The following HOOK3 variants were observed in gnomAD, a reference collection of about 807,000 sequenced individuals.
HOOK3 encodes protein Hook homolog 3.
HOOK3 carries 24 observed loss-of-function variants against 116.3 expected under a neutral mutation model. The ratio of observed to expected loss-of-function variants is 0.21; its 90% confidence interval spans 0.15 to 0.29. The LOEUF is 0.29. Among genes scored for constraint, HOOK3 ranks in the 10% least tolerant of loss-of-function variants. The probability of loss-of-function intolerance (pLI) is 1.00; values close to 1 mark genes in which losing one functional copy is unlikely to be tolerated. For synonymous variants in HOOK3, 275 were observed against 283.0 expected (o/e 0.97, Z 0.28); for missense variants, 632 against 830.2 (o/e 0.76, Z 2.93).
intron 4 of HOOK3, among the ~76,000 whole-genome samples, chr8:42,939,412 C>T (rs1314698988): frequency 6.7e-6 from 1 of 149,166 alleles, no homozygotes; most frequent in African/African-American, 2.5e-5. Flanking sequence ...CCCCTACCTC[C>T]CTCCCGGATG....
chr8:43,010,454 C>A, intron 19 of HOOK3, 49 bp downstream of exon 19: 3 of 604,240 alleles, frequency 5.0e-6, no homozygotes, highest in South Asian at 2.8e-5. Context: ...GATCACATTT[C>A]AGTGAAGTCT....
intron 17 of HOOK3, among the ~76,000 whole-genome samples, chr8:43,002,878 T>C (rs1292391847): frequency 6.6e-6 from 1 of 152,194 alleles, no homozygotes; most frequent in East Asian, 1.9e-4. Flanking sequence ...TTAAAGTCTA[T>C]AAAAGCTTGT....
chr8:42,926,961 A>G (rs1312610329), intron 3 of HOOK3, among the ~76,000 whole-genome samples: 1 of 152,152 alleles, frequency 6.6e-6, no homozygotes, highest in Non-Finnish European at 1.5e-5. Context: ...TTTTGTTAAC[A>G]TTAAATTGAT....
At chr8:43,002,555 G>A (rs1286498850) in intron 17 of HOOK3, among the ~76,000 whole-genome samples, 1 of 152,220 alleles carries the variant, frequency 6.6e-6, no homozygotes, top group Non-Finnish European at 1.5e-5. Context: ...TTGTGACCAT[G>A]TTGTAGTAAA....
At chr8:42,998,637 C>G (rs143849151) in intron 16 of HOOK3, among the ~76,000 whole-genome samples, 9 of 151,858 alleles carry the variant, frequency 5.9e-5, no homozygotes, top group African/African-American at 2.2e-4. Context: ...TCATCCATGG[C>G]CTAGCTTAAT....
rs61733908 is a variant in HOOK3, at chr8:43,029,243, A to C, written c.*10745A>C. On this transcript the variant is annotated 3_prime_UTR_variant, in exon 22 of 22. Transcript: ENST00000307602. Reference sequence around the variant, plus strand: ...CGCCTCACTGCAACCTCCGCCTCCCAGGTTCAAGCTATTCTCCTGCCTCAG... The same window carrying C: ...CGCCTCACTGCAACCTCCGCCTCCCCGGTTCAAGCTATTCTCCTGCCTCAG... The C allele has an allele frequency of 6.0e-6, 1 of 166,702 alleles. No homozygotes were observed. Among genetic ancestry groups the C allele is most frequent in the African/African-American group, 2.4e-5 (1 of 41,940 alleles). 10.3% of individuals were successfully genotyped at this position (166,702 alleles called of 1,614,324 possible).
intron 14 of HOOK3, 35 bp from the exon 15 acceptor site, chr8:42,986,620 G>A (rs1292802923): frequency 1.3e-6 from 2 of 1,554,806 alleles, no homozygotes; most frequent in South Asian, 2.3e-5. Context: ...AAATGACTGT[G>A]TATATAATAT....
chr8:42,954,766 A>G (rs1808404402), intron 6 of HOOK3, among the ~76,000 whole-genome samples: 3 of 152,182 alleles, frequency 2.0e-5, no homozygotes, highest in Admixed American at 6.5e-5. Flanking sequence ...CTCATAGGAG[A>G]TGCTGGAAGA....
chr8:43,020,922 G>A lies in HOOK3; in HGVS notation c.*2424G>A, dbSNP rs1323821121. 1.1e-5 allele frequency: 2 copies of A among 178,804 alleles called. No homozygotes were observed. The highest frequency in any genetic ancestry group is 1.9e-4 in the East Asian group (2 of 10,690). 11.1% of individuals were successfully genotyped at this position (178,804 alleles called of 1,614,324 possible). A position where few individuals can be genotyped will look rare whatever the true frequency, so the allele number is the denominator to read the frequency against. ...TCCAGACCAGCCTGTCCAACATGGT[G>A]AAACTCCGTCTCTACTAAAAATACA... On this transcript the variant is annotated 3_prime_UTR_variant, in exon 22 of 22. Transcript: ENST00000307602.
At chr8:42,939,972 G>A (rs1351819456) in intron 4 of HOOK3, among the ~76,000 whole-genome samples, 11 of 151,286 alleles carry the variant, frequency 7.3e-5, no homozygotes, top group East Asian at 2.0e-4. Flanking sequence ...GATGGCGGCC[G>A]GGCAGAGACA....
intron 9 of HOOK3, among the ~76,000 whole-genome samples, chr8:42,966,093 T>C (rs1223407688): frequency 6.6e-6 from 1 of 152,130 alleles, no homozygotes; most frequent in Non-Finnish European, 1.5e-5. Context: ...TTTTAGAAAA[T>C]AGTTATTTTT....
chr8:42,965,323 A>G (rs1437261092), intron 9 of HOOK3, among the ~76,000 whole-genome samples: 2 of 148,156 alleles, frequency 1.3e-5, no homozygotes, highest in Non-Finnish European at 3.0e-5. Flanking sequence ...ATAGAAATCT[A>G]TATACGTGTG....
rs1343897828 is a variant in HOOK3 at position 43,019,317 on chromosome 8, A to G, written c.*819A>G. 1.4e-5 allele frequency: 3 copies of G among 215,236 alleles called. No homozygotes were observed. The East Asian group carries it at 2.1e-4, about 15-fold the overall frequency. 13.3% of individuals were successfully genotyped at this position (215,236 alleles called of 1,614,324 possible). A position where few individuals can be genotyped will look rare whatever the true frequency, so the allele number is the denominator to read the frequency against. On this transcript the variant is annotated 3_prime_UTR_variant, in exon 22 of 22. Coordinates refer to ENST00000307602, the MANE Select transcript of HOOK3 (RefSeq NM_032410.4). ...AGTAACTGAGGATCATTTTCTAACA[A>G]TGTGGTTGACATACCTTCAGTTGCT... is the stretch of plus-strand genomic sequence containing the variant.
At chr8:42,907,675 G>A (rs1807337352) in intron 2 of HOOK3, among the ~76,000 whole-genome samples, 1 of 152,020 alleles carries the variant, frequency 6.6e-6, no homozygotes, top group Non-Finnish European at 1.5e-5. Context: ...AAGCTAGTTT[G>A]AGTAGGATCT....
At chr8:42,920,124 T>C (rs1186626692) in intron 2 of HOOK3, among the ~76,000 whole-genome samples, 2 of 152,172 alleles carry the variant, frequency 1.3e-5, no homozygotes, top group African/African-American at 4.8e-5. Flanking sequence ...GTATATTTTC[T>C]CTTAGCAGGA....
chr8:43,030,157 A>C lies in HOOK3; in HGVS notation c.*11659A>C, dbSNP rs1233522713. 9.8e-6 allele frequency: 2 copies of C among 203,052 alleles called. No individual in the cohort carries two copies. Among genetic ancestry groups the C allele is most frequent in the Admixed American group, 6.0e-5 (1 of 16,742 alleles). The allele number at this position is 203,052 out of a possible 1,614,324, so 12.6% of individuals were successfully genotyped here. Reference sequence around the variant, plus strand: ...TTACTGAGTTTTCCAACCATTTACTATGTGTTGAGATTGGTGGGTTTTCTG... The same window carrying C: ...TTACTGAGTTTTCCAACCATTTACTCTGTGTTGAGATTGGTGGGTTTTCTG... On this transcript the variant is annotated 3_prime_UTR_variant, in exon 22 of 22. Coordinates refer to ENST00000307602, the MANE Select transcript of HOOK3 (RefSeq NM_032410.4).
At chr8:43,006,867 G>T (rs2130481159) in intron 17 of HOOK3, among the ~76,000 whole-genome samples, 1 of 151,566 alleles carries the variant, frequency 6.6e-6, no homozygotes, top group South Asian at 2.1e-4. Flanking sequence ...TTTTTTCCTA[G>T]TTATGTTACA....
intron 4 of HOOK3, among the ~76,000 whole-genome samples, chr8:42,938,217 CTTT>C (rs145868661): frequency 3.0e-5 from 4 of 132,272 alleles, no homozygotes; most frequent in African/African-American, 5.7e-5. Flanking sequence ...GCAACCCCTG[CTTT>C]TTTTTTTTTT....
intron 2 of HOOK3, among the ~76,000 whole-genome samples, chr8:42,920,660 C>A (rs1357333021): frequency 2.0e-5 from 3 of 152,124 alleles, no homozygotes; most frequent in African/African-American, 7.2e-5. Context: ...AGCCACAGGG[C>A]CTTAGTGTTT....
Sources: allele counts gnomAD v4.1 joint callset (sites outside exome capture counted in the v4.1 genomes callset), GRCh38; gene constraint gnomAD v4.1.1; transcripts MANE v1.5; gene names NCBI Gene and HGNC (gene_info 2026-07-23, HGNC 2026-07-21).